ZNF780B: variants seen among roughly 807,000 people sequenced by gnomAD.
The protein encoded by ZNF780B is zinc finger protein 779.
ZNF780B carries 52 observed loss-of-function variants against 74.1 expected under a neutral mutation model. That is an observed-to-expected ratio of 0.70 (90% CI 0.56 to 0.88). ZNF780B has a LOEUF of 0.88. ZNF780B is among the 40% of genes least tolerant of loss of function. ZNF780B has a pLI of 0.00. For missense variants in ZNF780B, 953 were observed against 1,007.6 expected (o/e 0.95, Z 0.73); for synonymous variants, 315 against 324.3 (o/e 0.97, Z 0.31).
At position 40,036,670 on chromosome 19, in the gene ZNF780B, CA is replaced by C. The variant is rs1310893254; in HGVS notation, c.233-45del. ...GCAAACCTATTTTATTTTCCTATAA[CA>C]TACATGCATACAAAATCCATTAAAC... On this transcript the variant is annotated intron_variant, in intron 4 of 4. Coordinates refer to ENST00000434248, the MANE Select transcript of ZNF780B (RefSeq NM_001005851.3). 4 of 1,161,606 alleles carry C rather than the reference CA, an allele frequency of 3.4e-6. No homozygotes were observed. The African/African-American group carries it at 6.2e-5, about 18-fold the overall frequency. The allele number at this position is 1,161,606 out of a possible 1,614,324, so 72.0% of individuals were successfully genotyped here.
chr19:40,047,414 A>G lies in ZNF780B; in HGVS notation c.193T>C (p.Trp65Arg), dbSNP rs764771020. 1 of 1,613,832 alleles carries G rather than the reference A, an allele frequency of 6.2e-7. No individual in the cohort carries two copies. The highest frequency in any genetic ancestry group is 2.2e-5 in the East Asian group (1 of 44,872). The change falls in exon 4 of 5, where the codon TGG becomes CGG. Residue 65 changes from tryptophan to arginine, a missense_variant. Transcript: ENST00000434248. ...ITLLEQEKEP[W>R]IVVSKETSRW... ...CTTGTTTCTTTACTTACAACAATCC[A>G]GGGCTCTTTCTCTTGCTCTAGTAAT...
chr19:40,046,378 G>T (rs1451931561), intron 4 of ZNF780B, among the ~76,000 whole-genome samples: 1 of 152,112 alleles, frequency 6.6e-6, no homozygotes, highest in Non-Finnish European at 1.5e-5. Context: ...CCATAAATAT[G>T]TACAAATATT....
intron 2 of ZNF780B, among the ~76,000 whole-genome samples, chr19:40,049,484 C>T (rs1973109081): frequency 6.6e-6 from 1 of 152,134 alleles, no homozygotes; most frequent in Non-Finnish European, 1.5e-5. Flanking sequence ...TCACCTACCA[C>T]TCATGCCCTG....
chr19:40,034,608 T>A lies in ZNF780B; in HGVS notation c.2251A>T (p.Lys751Ter), dbSNP rs748651801. Residue 751 changes from lysine (K) to a stop codon, truncating the protein, a stop_gained, in exon 5 of 5, where the codon AAG becomes TAG. Transcript: ENST00000434248. LOFTEE classifies it high-confidence loss of function. ...CCACACTCCTTACATTTAAATGGCTTCTCACCAGTATGAATGATCTGATGT... is the reference window on the plus strand; with the variant it reads ...CCACACTCCTTACATTTAAATGGCTACTCACCAGTATGAATGATCTGATGT... ...AQHQIIHTGE[K>*]PFKCKECGKA... 6.2e-7 allele frequency: 1 copy of A among 1,614,064 alleles called. No individual in the cohort carries two copies. Among genetic ancestry groups the A allele is most frequent in the Non-Finnish European group, 8.5e-7 (1 of 1,179,986 alleles).
At chr19:40,053,942 C>T (rs1234119932) in intron 1 of ZNF780B, among the ~76,000 whole-genome samples, 2 of 152,228 alleles carry the variant, frequency 1.3e-5, no homozygotes, top group Admixed American at 6.5e-5. Flanking sequence ...CACCTAAGGT[C>T]CAGAGTTCGA....
rs1379816933 is a variant in ZNF780B, at chr19:40,036,329, C to A, written c.530G>T (p.Gly177Val). The change falls in exon 5 of 5, where the codon GGT becomes GTT. Residue 177 changes from glycine (G) to valine (V), a missense_variant. Coordinates refer to ENST00000434248, the MANE Select transcript of ZNF780B (RefSeq NM_001005851.3). The stretch of plus-strand genomic sequence containing the variant: ...ACTCTGATGCTGAATAAGATTTGAA[C>A]CACAACTAAAGTATTTCCCACATTC... Reference protein sequence around the residue: ...CKECGKYFSCGSNLIQHQSIH... With the variant: ...CKECGKYFSCVSNLIQHQSIH... 1.9e-6 allele frequency: 3 copies of A among 1,613,872 alleles called. No individual in the cohort carries two copies. Among genetic ancestry groups the A allele is most frequent in the South Asian group, 2.2e-5 (2 of 91,010 alleles).
rs540354194 is a variant in ZNF780B, at chr19:40,049,367, C to T, written c.10-571G>A. Among the ~76,000 whole-genome samples, 4 of 151,682 alleles carry T rather than the reference C, an allele frequency of 2.6e-5. 1 individual carries two copies. In the South Asian group the frequency reaches 8.3e-4, roughly 32 times the overall value. On this transcript the variant is annotated intron_variant, in intron 2 of 4. Transcript: ENST00000434248. ...CATGACAAATGATTTTTATAAGCTG[C>T]GTAAAATTCAAAATAACTGACATAT...
Position 40,032,280 on chromosome 19 carries a change from T to A in ZNF780B, c.*2077A>T, listed in dbSNP as rs1972035219. 1 of 363,212 alleles carries A rather than the reference T, an allele frequency of 2.8e-6. No homozygotes were observed. Among genetic ancestry groups the A allele is most frequent in the African/African-American group, 2.1e-5 (1 of 46,998 alleles). 22.5% of individuals were successfully genotyped at this position (363,212 alleles called of 1,614,324 possible). ...CCAGGCTTATAAACTAGGGCTACAC[T>A]TCTGTAGGTTTACTAAGTTCCACAG... On this transcript the variant is annotated 3_prime_UTR_variant, in exon 5 of 5. Transcript: ENST00000434248.
At position 40,030,657 on chromosome 19, in the gene ZNF780B, G is replaced by A. The variant is rs183996829; in HGVS notation, c.*3700C>T. 1.2e-4 allele frequency: 19 copies of A among 152,320 alleles called. No homozygotes were observed. Among genetic ancestry groups the A allele is most frequent in the African/African-American group, 4.6e-4 (19 of 41,572 alleles). 9.4% of individuals were successfully genotyped at this position (152,320 alleles called of 1,614,324 possible). On this transcript the variant is annotated 3_prime_UTR_variant, in exon 5 of 5. Coordinates refer to ENST00000434248, the MANE Select transcript of ZNF780B (RefSeq NM_001005851.3). ...GTAACTTTAACAAATATATTAAAGT[G>A]TTTTATTATGTTTGCAAAGGGACTC...
Position 40,040,313 on chromosome 19 carries a change from A to G in ZNF780B, c.233-3687T>C, listed in dbSNP as rs1972572095. On this transcript the variant is annotated intron_variant, in intron 4 of 4. Transcript: ENST00000434248. ...GATGTGCTGCTGGATTCGGTTTGCC[A>G]GTATTTTATTGAGGATTTTTGCATC... is the stretch of plus-strand genomic sequence containing the variant. Among the ~76,000 whole-genome samples, 10 of 152,320 alleles carry G rather than the reference A, an allele frequency of 6.6e-5. No homozygotes were observed. In the South Asian group the frequency reaches 1.9e-3, roughly 28 times the overall value.
At position 40,035,507 on chromosome 19, in the gene ZNF780B, T is replaced by C; in HGVS notation, c.1352A>G (p.Glu451Gly). The change falls in exon 5 of 5, where the codon GAG becomes GGG. Residue 451 changes from glutamate (E) to glycine (G), a missense_variant. Glu to Gly is a moderately conservative substitution (Grantham distance 98, BLOSUM62 -2). Transcript: ENST00000434248. ...TTGGTAATGATATCGAAAGGCCATC[T>C]CACATTCCCTACATACAAAGGGTTT... The part of the protein sequence containing the change: ...NEKPFVCREC[E>G]MAFRYHYQLI... 1 of 1,613,938 alleles carries C rather than the reference T, an allele frequency of 6.2e-7. No individual in the cohort carries two copies. Among genetic ancestry groups the C allele is most frequent in the Non-Finnish European group, 8.5e-7 (1 of 1,179,974 alleles).
chr19:40,031,992 T>C lies in ZNF780B; in HGVS notation c.*2365A>G. ...AGTACAATATGACATAGAAATAACCTACAAAGTATTCTTCCCCAAAACGTT... is the reference window on the plus strand; with the variant it reads ...AGTACAATATGACATAGAAATAACCCACAAAGTATTCTTCCCCAAAACGTT... On this transcript the variant is annotated 3_prime_UTR_variant, in exon 5 of 5. Coordinates refer to ENST00000434248, the MANE Select transcript of ZNF780B (RefSeq NM_001005851.3). The C allele has an allele frequency of 2.2e-6, 1 of 445,014 alleles. No homozygotes were observed. Among genetic ancestry groups the C allele is most frequent in the Non-Finnish European group, 4.5e-6 (1 of 223,726 alleles). The allele number at this position is 445,014 out of a possible 1,614,324, so 27.6% of individuals were successfully genotyped here.
At position 40,045,355 on chromosome 19, in the gene ZNF780B, CTT is replaced by C. The variant is rs199549309; in HGVS notation, c.232+2018_232+2019del. 8.5e-3 allele frequency among the ~76,000 whole-genome samples: 1,301 copies of C among 152,266 alleles called. 18 individuals are homozygous for C. The highest frequency in any genetic ancestry group is 0.03 in the African/African-American group (1,236 of 41,544). Reference sequence around the variant, plus strand: ...GAGAGGATGAGGGAAAAAGGGAACTCTTATATACTGTTGGTGGGATATAAATT... The same window carrying C: ...GAGAGGATGAGGGAAAAAGGGAACTCATATACTGTTGGTGGGATATAAATT... On this transcript the variant is annotated intron_variant, in intron 4 of 4. Transcript: ENST00000434248.
intron 1 of ZNF780B, among the ~76,000 whole-genome samples, chr19:40,053,777 T>G (rs1803753700): frequency 6.6e-6 from 1 of 152,186 alleles, no homozygotes; most frequent in Non-Finnish European, 1.5e-5. Context: ...TGGATGAACC[T>G]GGAGAAATTC....
chr19:40,045,661 T>A (rs1293941216), intron 4 of ZNF780B, among the ~76,000 whole-genome samples: 1 of 152,154 alleles, frequency 6.6e-6, no homozygotes, highest in Non-Finnish European at 1.5e-5. Flanking sequence ...ATCATGTCAT[T>A]TGCAGCAACA....
chr19:40,047,625 T>TAAAAA (rs371269163), intron 3 of ZNF780B, among the ~76,000 whole-genome samples, 155 bp from the exon 4 acceptor site: 5 of 141,688 alleles, frequency 3.5e-5, no homozygotes, highest in Admixed American at 1.4e-4. Flanking sequence ...CAACTATGTT[T>TAAAAA]AAAAAAAAAA....
rs2144721781 is a variant in ZNF780B, at chr19:40,036,358, A to T, written c.501T>A (p.Cys167Ter). The change falls in exon 5 of 5, where the codon TGT becomes TGA. Residue 167 changes from cysteine (C) to a stop codon, truncating the protein, a stop_gained. Transcript: ENST00000434248. LOFTEE classifies it high-confidence loss of function. ...AACTAAAGTATTTCCCACATTCCTTACATTCATATGGTTTATGTGTATTAT... is the reference window on the plus strand; with the variant it reads ...AACTAAAGTATTTCCCACATTCCTTTCATTCATATGGTTTATGTGTATTAT... ...PIHNTHKPYE[C>*]KECGKYFSCG... 6.2e-7 allele frequency: 1 copy of T among 1,613,758 alleles called. No individual in the cohort carries two copies. The highest frequency in any genetic ancestry group is 2.2e-5 in the East Asian group (1 of 44,856).
At chr19:40,044,336 G>A (rs940990532) in intron 4 of ZNF780B, among the ~76,000 whole-genome samples, 7 of 152,234 alleles carry the variant, frequency 4.6e-5, no homozygotes, top group South Asian at 2.1e-4. Flanking sequence ...GCATATTATG[G>A]TCAAAATATA....
rs1178763550 is a variant in ZNF780B at position 40,031,641 on chromosome 19, G to C, written c.*2716C>G. The C allele has an allele frequency of 6.5e-6, 1 of 154,978 alleles. No individual in the cohort carries two copies. The highest frequency in any genetic ancestry group is 2.4e-5 in the African/African-American group (1 of 41,470). The allele number at this position is 154,978 out of a possible 1,614,324, so 9.6% of individuals were successfully genotyped here. A position where few individuals can be genotyped will look rare whatever the true frequency, so the allele number is the denominator to read the frequency against. On this transcript the variant is annotated 3_prime_UTR_variant, in exon 5 of 5. Coordinates refer to ENST00000434248, the MANE Select transcript of ZNF780B (RefSeq NM_001005851.3). ...GTGATAAATGCTGAACAAAAAAGAGGTTCCGGACAATCTTGGCTCCCTATA... is the reference window on the plus strand; with the variant it reads ...GTGATAAATGCTGAACAAAAAAGAGCTTCCGGACAATCTTGGCTCCCTATA...
Sources: gnomAD v4.1 joint callset for allele counts (sites outside exome capture counted in the v4.1 genomes callset) on GRCh38, gnomAD v4.1.1 for gene constraint, MANE v1.5 for transcripts, NCBI Gene and HGNC (gene_info 2026-07-23, HGNC 2026-07-21) for gene names.